Variants in FBXL4 observed in about 807,000 individuals in gnomAD.
FBXL4 encodes F-box/LRR-repeat protein 4.
A neutral mutation model predicts 58.9 loss-of-function variants in FBXL4; 40 were observed. The ratio of observed to expected loss-of-function variants is 0.68; its 90% CI spans 0.53 to 0.88. FBXL4 has a LOEUF of 0.88. FBXL4 is among the 40% of genes least tolerant of loss of function. The probability of loss-of-function intolerance (pLI) is 0.00; values close to 1 mark genes in which losing one functional copy is unlikely to be tolerated. For synonymous variants in FBXL4, 263 were observed against 265.5 expected (o/e 0.99, Z 0.09); for missense variants, 676 against 734.4 (o/e 0.92, Z 0.92).
At chr6:98,910,134 T>A (rs1238310063) in intron 5 of FBXL4, among the ~76,000 whole-genome samples, 1 of 152,218 alleles carries the variant, frequency 6.6e-6, no homozygotes, top group African/African-American at 2.4e-5. Flanking sequence ...AAAACTGATA[T>A]ACATTTTTAA....
intron 5 of FBXL4, among the ~76,000 whole-genome samples, chr6:98,910,992 G>A (rs1007824327): frequency 2.6e-5 from 4 of 152,268 alleles, no homozygotes; most frequent in East Asian, 3.9e-4. Flanking sequence ...GCGCTTTTCC[G>A]AAGGCCTTAG....
chr6:98,901,570 T>A (rs1582396836), intron 6 of FBXL4, among the ~76,000 whole-genome samples: 2 of 152,308 alleles, frequency 1.3e-5, no homozygotes, highest in Admixed American at 6.5e-5. Flanking sequence ...TTTCTGACTT[T>A]CTTTCTCTCT....
intron 7 of FBXL4, among the ~76,000 whole-genome samples, chr6:98,889,559 T>C (rs1410171295): frequency 6.6e-6 from 1 of 151,624 alleles, no homozygotes. Context: ...TGCATGCCTA[T>C]AGTCCCAGAT....
chr6:98,888,472 A>T (rs528472025), intron 7 of FBXL4, among the ~76,000 whole-genome samples: 4 of 152,330 alleles, frequency 2.6e-5, no homozygotes, highest in Middle Eastern at 6.8e-3. Context: ...GATCAAAGCT[A>T]TATTATTAGG....
intron 7 of FBXL4, among the ~76,000 whole-genome samples, chr6:98,896,549 C>T (rs1370231811): frequency 2.0e-5 from 3 of 152,146 alleles, no homozygotes; most frequent in Non-Finnish European, 4.4e-5. Context: ...GTAAGATTTT[C>T]TAAATTTCAC....
intron 7 of FBXL4, among the ~76,000 whole-genome samples, chr6:98,893,545 A>G (rs1286669198): frequency 1.3e-5 from 2 of 152,200 alleles, no homozygotes; most frequent in Non-Finnish European, 2.9e-5. Context: ...TGTCTCAAAT[A>G]CAGTCACATT....
intron 7 of FBXL4, among the ~76,000 whole-genome samples, chr6:98,895,892 A>G (rs1003841127): frequency 1.3e-5 from 2 of 152,152 alleles, no homozygotes; most frequent in East Asian, 1.9e-4. Flanking sequence ...ACAGTATTGT[A>G]TCATAAACTG....
At chr6:98,928,038 C>T (rs1229754786) in intron 2 of FBXL4, among the ~76,000 whole-genome samples, 1 of 152,138 alleles carries the variant, frequency 6.6e-6, no homozygotes, top group Non-Finnish European at 1.5e-5. Context: ...TGCAAACTCA[C>T]AGCTTTTGTT....
rs1161499718 is a variant in FBXL4, at chr6:98,934,832, G to T, written c.-261C>A. 2.6e-5 allele frequency: 4 copies of T among 152,164 alleles called. No individual in the cohort carries two copies. Among genetic ancestry groups the T allele is most frequent in the Non-Finnish European group, 5.9e-5 (4 of 68,038 alleles). 9.4% of individuals were successfully genotyped at this position (152,164 alleles called of 1,614,324 possible). A position where few individuals can be genotyped will look rare whatever the true frequency, so the allele number is the denominator to read the frequency against. ...TTCAAAGCTTCTTGAAAATCCAAGCGAATGAAGCAAATGGAGAAGGCAAGG... is the reference window on the plus strand; with the variant it reads ...TTCAAAGCTTCTTGAAAATCCAAGCTAATGAAGCAAATGGAGAAGGCAAGG... On this transcript the variant is annotated 5_prime_UTR_variant, in exon 2 of 10. Transcript: ENST00000369244.
At chr6:98,938,531 AGAACTCT>A (rs1773308750) in intron 1 of FBXL4, among the ~76,000 whole-genome samples, 1 of 152,248 alleles carries the variant, frequency 6.6e-6, no homozygotes, top group Admixed American at 6.5e-5. Flanking sequence ...ATCAAGAAAA[AGAACTCT>A]GATTGTCCAG....
chr6:98,891,895 C>A (rs1400511126), intron 7 of FBXL4, among the ~76,000 whole-genome samples: 1 of 152,042 alleles, frequency 6.6e-6, no homozygotes, highest in Admixed American at 6.6e-5. Context: ...TTATTGGTCA[C>A]TGTCATGGTT....
chr6:98,885,207 G>A (rs1233730755), intron 7 of FBXL4, among the ~76,000 whole-genome samples: 4 of 152,226 alleles, frequency 2.6e-5, no homozygotes, highest in Admixed American at 2.0e-4. Flanking sequence ...TGGTTTAAGC[G>A]ATTCTCCTGC....
At position 98,890,780 on chromosome 6, in the gene FBXL4, A is replaced by G. The variant is rs564984116; in HGVS notation, c.1317+8488T>C. ...CTAAAAGTATAAAAATCAGCCGGGC[A>G]TGGTGGCACACGCCTGTAGTCCCAG... On this transcript the variant is annotated intron_variant, in intron 7 of 9. Coordinates refer to ENST00000369244, the MANE Select transcript of FBXL4 (RefSeq NM_001278716.2). Among the ~76,000 whole-genome samples, 50 of 152,220 alleles carry G rather than the reference A, an allele frequency of 3.3e-4. No individual in the cohort carries two copies. In the South Asian group the frequency reaches 0.01, roughly 32 times the overall value.
chr6:98,946,779 C>T (rs1773634309), intron 1 of FBXL4, among the ~76,000 whole-genome samples: 3 of 152,112 alleles, frequency 2.0e-5, no homozygotes, highest in Admixed American at 2.0e-4. Context: ...TTTTAGAGTG[C>T]CTACTAAAGC....
intron 7 of FBXL4, among the ~76,000 whole-genome samples, chr6:98,891,524 T>A (rs1044958945): frequency 6.6e-6 from 1 of 152,124 alleles, no homozygotes; most frequent in African/African-American, 2.4e-5. Flanking sequence ...GTCGAATACA[T>A]CTTTCCTCAC....
intron 1 of FBXL4, among the ~76,000 whole-genome samples, chr6:98,941,180 A>G (rs1773417966): frequency 6.6e-6 from 1 of 152,116 alleles, no homozygotes; most frequent in Admixed American, 6.5e-5. Flanking sequence ...GATGTCCTTG[A>G]CAGATGCATG....
At chr6:98,897,267 T>C (rs1771441370) in intron 7 of FBXL4, 6 of 985,292 alleles carry the variant, frequency 6.1e-6, no homozygotes, top group African/African-American at 1.7e-5. Flanking sequence ...AATTTCAGAA[T>C]GAACAGTCCT....
At position 98,874,290 on chromosome 6, in the gene FBXL4, GCT is replaced by G. The variant is rs1258886618; in HGVS notation, c.1852_1853del (p.Ser618LeufsTer6). 46 of 1,593,754 alleles carry G rather than the reference GCT, an allele frequency of 2.9e-5. No homozygotes were observed. Among genetic ancestry groups the G allele is most frequent in the Non-Finnish European group, 3.8e-5 (45 of 1,174,362 alleles). On this transcript the variant is annotated frameshift_variant, in exon 10 of 10. Coordinates refer to ENST00000369244, the MANE Select transcript of FBXL4 (RefSeq NM_001278716.2). LOFTEE classifies it high-confidence loss of function. Reference protein sequence around the residue: ...ASFPKVFIKKSFTQ With the variant: ...ASFPKVFIKKXFTQ ...AACATATATTAAGTCACTGAGTAAA[GCT>G]CTTTTTTATGAACACTTTTGGAAAG...
chr6:98,897,429 G>A lies in FBXL4; in HGVS notation c.1317+1839C>T, dbSNP rs1193270478. On this transcript the variant is annotated intron_variant, in intron 7 of 9. Coordinates refer to ENST00000369244, the MANE Select transcript of FBXL4 (RefSeq NM_001278716.2). ...AAAAAATCTGGAAATCTGAGACAAT[G>A]TCTTCACCTAGATTACCAAGCTTAT... 5.0e-6 allele frequency: 4 copies of A among 799,230 alleles called. No individual in the cohort carries two copies. The African/African-American group carries it at 7.5e-5, about 15-fold the overall frequency. The allele number at this position is 799,230 out of a possible 1,614,324, so 49.5% of individuals were successfully genotyped here.
Sources: allele counts gnomAD v4.1 joint callset (sites outside exome capture counted in the v4.1 genomes callset), GRCh38; gene constraint gnomAD v4.1.1; transcripts MANE v1.5; gene names NCBI Gene and HGNC (gene_info 2026-07-23, HGNC 2026-07-21).